The following WWOX variants were observed in gnomAD, a reference collection of about 807,000 sequenced individuals.
The protein encoded by WWOX is WW domain-containing oxidoreductase.
Under a neutral mutation model 46.2 loss-of-function variants are expected in WWOX, and 69 were observed. The observed-to-expected ratio is 1.49, with a 90% CI of 1.23 to 1.82. The LOEUF is 1.82. Among genes scored for constraint, WWOX ranks in the 40% most tolerant of loss-of-function variants. WWOX has a pLI of 0.00. For synonymous variants in WWOX, 359 were observed against 202.6 expected, an observed-to-expected ratio of 1.77 and a Z score of -6.56; for missense variants, 919 against 542.6, an observed-to-expected ratio of 1.69 and a Z score of -6.89.
intron 8 of WWOX, among the ~76,000 whole-genome samples, chr16:78,949,697 G>A (rs1597193521): frequency 1.3e-5 from 2 of 152,156 alleles, no homozygotes; most frequent in Admixed American, 1.3e-4. Flanking sequence ...GGCTTCTTTT[G>A]AGCATCGTGC....
chr16:79,163,247 C>T (rs139134270), intron 8 of WWOX, among the ~76,000 whole-genome samples: 162 of 152,058 alleles, frequency 1.1e-3, no homozygotes, highest in African/African-American at 3.7e-3. Context: ...AGAAAGAGAC[C>T]AGAGAAAGAG....
chr16:78,871,868 G>T (rs191456298), intron 8 of WWOX, among the ~76,000 whole-genome samples: 6 of 152,144 alleles, frequency 3.9e-5, no homozygotes, highest in African/African-American at 1.2e-4. Flanking sequence ...CTCCCAAAGC[G>T]CTGGGATTAC....
At chr16:78,647,796 A>G (rs550733000) in intron 8 of WWOX, among the ~76,000 whole-genome samples, 259 of 152,342 alleles carry the variant, frequency 1.7e-3, no homozygotes, top group African/African-American at 6.1e-3. Context: ...AACAGAAGCC[A>G]CAAACGTGTT....
intron 8 of WWOX, among the ~76,000 whole-genome samples, chr16:78,570,357 G>C (rs914795625): frequency 2.6e-5 from 4 of 152,150 alleles, no homozygotes; most frequent in Non-Finnish European, 4.4e-5. Flanking sequence ...GACAGGATCT[G>C]GAGTGTGGTG....
intron 8 of WWOX, among the ~76,000 whole-genome samples, chr16:78,629,239 A>ATTTTTT (rs11388515): frequency 6.7e-6 from 1 of 149,114 alleles, no homozygotes; most frequent in Non-Finnish European, 1.5e-5. Flanking sequence ...TGGGTATTTT[A>ATTTTTT]TTTTTTTTTC....
chr16:78,645,083 C>G (rs369631463), intron 8 of WWOX, among the ~76,000 whole-genome samples: 3 of 152,158 alleles, frequency 2.0e-5, no homozygotes, highest in African/African-American at 7.2e-5. Flanking sequence ...AAATTCTTCT[C>G]TAAACCCCAA....
intron 8 of WWOX, among the ~76,000 whole-genome samples, chr16:78,720,312 T>C (rs2048659655): frequency 6.9e-6 from 1 of 145,236 alleles, no homozygotes; most frequent in African/African-American, 2.8e-5. Context: ...TATAGATCTT[T>C]CTGAATTATT....
intron 8 of WWOX, among the ~76,000 whole-genome samples, chr16:78,908,427 C>G (rs1045862750): frequency 1.3e-5 from 2 of 151,874 alleles, no homozygotes; most frequent in African/African-American, 4.8e-5. Context: ...GTAATCCTAG[C>G]TAGTCGGGAG....
intron 4 of WWOX, 71 bp downstream of exon 4, chr16:78,115,225 G>T: frequency 6.3e-7 from 1 of 1,588,180 alleles, no homozygotes; most frequent in Non-Finnish European, 8.6e-7. Context: ...AGCTATAATG[G>T]AATTTTGTTT....
chr16:78,901,619 C>G (rs1016589259), intron 8 of WWOX, among the ~76,000 whole-genome samples: 1 of 152,154 alleles, frequency 6.6e-6, no homozygotes, highest in African/African-American at 2.4e-5. Flanking sequence ...TCCTGAGTAA[C>G]TAGGACCACA....
chr16:78,790,355 A>G (rs1212144329), intron 8 of WWOX, among the ~76,000 whole-genome samples: 2 of 151,934 alleles, frequency 1.3e-5, no homozygotes, highest in South Asian at 4.2e-4. Flanking sequence ...GGCTGCTCTC[A>G]AACTCCTGAC....
chr16:78,557,042 G>C (rs1051857031), intron 8 of WWOX, among the ~76,000 whole-genome samples: 1 of 152,018 alleles, frequency 6.6e-6, no homozygotes, highest in Non-Finnish European at 1.5e-5. Flanking sequence ...AAAACACATT[G>C]CAATAAAATA....
At chr16:78,260,498 C>G (rs2038251034) in intron 5 of WWOX, among the ~76,000 whole-genome samples, 2 of 151,190 alleles carry the variant, frequency 1.3e-5, no homozygotes, top group Non-Finnish European at 3.0e-5. Context: ...AACCCTGTCT[C>G]CACTAAAAAT....
intron 8 of WWOX, among the ~76,000 whole-genome samples, chr16:78,583,456 A>G (rs1230419138): frequency 6.6e-6 from 1 of 152,048 alleles, no homozygotes; most frequent in East Asian, 1.9e-4. Context: ...TAATGGCTCC[A>G]TTAAGAAGAA....
At chr16:78,429,553 G>T (rs1036771072) in intron 7 of WWOX, among the ~76,000 whole-genome samples, 2 of 152,066 alleles carry the variant, frequency 1.3e-5, no homozygotes, top group Non-Finnish European at 2.9e-5. Context: ...TAGAGAGAGG[G>T]AGGGGGTGGT....
intron 8 of WWOX, among the ~76,000 whole-genome samples, chr16:78,774,078 T>C (rs554937098): frequency 6.6e-6 from 1 of 152,314 alleles, no homozygotes; most frequent in East Asian, 1.9e-4. Flanking sequence ...GTCTAGGTCC[T>C]TCTGAAAGAA....
At position 79,051,696 on chromosome 16, in the gene WWOX, G is replaced by C. The variant is rs939419747; in HGVS notation, c.1057-159912G>C. On this transcript the variant is annotated intron_variant, in intron 8 of 8. Transcript: ENST00000566780. ...TGCACTGTTTCACTTCTCTACAAGGGTGTAAAAAGTAGAGGTTCCTCTTGA... is the reference window on the plus strand; with the variant it reads ...TGCACTGTTTCACTTCTCTACAAGGCTGTAAAAAGTAGAGGTTCCTCTTGA... 1.2e-4 allele frequency among the ~76,000 whole-genome samples: 18 copies of C among 152,312 alleles called. No individual in the cohort carries two copies. In the East Asian group the frequency reaches 3.5e-3, roughly 29 times the overall value.
chr16:78,324,114 T>C (rs752423454), intron 5 of WWOX, among the ~76,000 whole-genome samples: 6 of 152,100 alleles, frequency 3.9e-5, no homozygotes, highest in Non-Finnish European at 8.8e-5. Context: ...AGGATGGGAT[T>C]TGAACGTCTG....
In WWOX at chr16:78,875,709, G is replaced by A. The variant is rs544867818; in HGVS notation, c.1057-335899G>A. 1.0e-3 allele frequency among the ~76,000 whole-genome samples: 156 copies of A among 152,238 alleles called. 1 individual carries two copies. Among genetic ancestry groups the A allele is most frequent in the African/African-American group, 3.6e-3 (150 of 41,540 alleles). The stretch of plus-strand genomic sequence containing the variant: ...AGACTTGGTTTTTCTAAGCCACAGT[G>A]GCAATTTCCTAGTCGATTACAACTG... On this transcript the variant is annotated intron_variant, in intron 8 of 8. Transcript: ENST00000566780.
Sources: allele counts gnomAD v4.1 joint callset (sites outside exome capture counted in the v4.1 genomes callset), GRCh38; gene constraint gnomAD v4.1.1; transcripts MANE v1.5; gene names NCBI Gene and HGNC (gene_info 2026-07-23, HGNC 2026-07-21).